Variants in TRAPPC9 observed in about 807,000 individuals in gnomAD.
TRAPPC9 encodes IKK2 binding protein.
Under a neutral mutation model 124.0 loss-of-function variants are expected in TRAPPC9, and 83 were observed. The ratio of observed to expected loss-of-function variants is 0.67; its 90% confidence interval spans 0.56 to 0.80. TRAPPC9 has a LOEUF of 0.80. Among genes scored for constraint, TRAPPC9 ranks in the 30% least tolerant of loss-of-function variants. TRAPPC9 has a pLI of 0.00. For synonymous variants in TRAPPC9, 638 were observed against 617.5 expected (o/e 1.03, Z -0.49); for missense variants, 1,302 against 1,508.3 (o/e 0.86, Z 2.27).
At chr8:139,872,054 G>A (rs1055800632) in intron 21 of TRAPPC9, among the ~76,000 whole-genome samples, 2 of 151,706 alleles carry the variant, frequency 1.3e-5, no homozygotes, top group African/African-American at 4.8e-5. Flanking sequence ...ATGGATGGAT[G>A]AGTGGGCTGG....
rs539968244 is a variant in TRAPPC9 at position 140,063,370 on chromosome 8, G to A, written c.2557-39291C>T. On this transcript the variant is annotated intron_variant, in intron 17 of 22. Coordinates refer to ENST00000438773, the MANE Select transcript of TRAPPC9 (RefSeq NM_001160372.4). The surrounding 1 kb of genome is among the most constrained non-coding windows in gnomAD (Gnocchi z 4.3). The stretch of plus-strand genomic sequence containing the variant: ...CAGTCAATTCTCACGTACCTTTCAC[G>A]AGCCAGGTAACACGGTACTCACTTT... 3.2e-4 allele frequency among the ~76,000 whole-genome samples: 49 copies of A among 152,246 alleles called. No individual in the cohort carries two copies. The highest frequency in any genetic ancestry group is 1.1e-3 in the African/African-American group (46 of 41,542).
chr8:140,410,141 C>CAAAAAA (rs61149910), intron 5 of TRAPPC9, among the ~76,000 whole-genome samples: 1 of 70,216 alleles, frequency 1.4e-5, no homozygotes. Context: ...ACCTTGTCTC[C>CAAAAAA]AAAAAAAAAA....
intron 17 of TRAPPC9, among the ~76,000 whole-genome samples, chr8:140,114,773 A>G (rs1037589030): frequency 6.6e-6 from 1 of 152,188 alleles, no homozygotes; most frequent in Non-Finnish European, 1.5e-5. Context: ...AAACAGAAAA[A>G]GTTTCTGTGA....
intron 9 of TRAPPC9, among the ~76,000 whole-genome samples, chr8:140,345,897 G>C (rs2067335427): frequency 6.6e-6 from 1 of 152,234 alleles, no homozygotes; most frequent in African/African-American, 2.4e-5. Flanking sequence ...CTGGGCCGCT[G>C]ACAGAATGGA....
chr8:139,987,755 G>A (rs1213365769), intron 19 of TRAPPC9, among the ~76,000 whole-genome samples: 12 of 152,202 alleles, frequency 7.9e-5, no homozygotes, highest in Non-Finnish European at 1.8e-4. Flanking sequence ...TGGAGGGAGG[G>A]TGAGTGGAGA....
intron 9 of TRAPPC9, among the ~76,000 whole-genome samples, chr8:140,350,890 AT>A (rs1318664180): frequency 6.6e-6 from 1 of 152,034 alleles, no homozygotes. Context: ...ACAGGATCTG[AT>A]TTGCAATTTA....
At position 140,415,747 on chromosome 8, in the gene TRAPPC9, TC is replaced by T. The variant is rs775177143; in HGVS notation, c.887-10050del. Among the ~76,000 whole-genome samples the T allele has an allele frequency of 9.1e-4, 138 of 151,986 alleles. 3 individuals carry two copies. The highest frequency in any genetic ancestry group is 2.6e-4 in the Non-Finnish European group (18 of 68,014). ...AGTTTGGGAAGCAGAGGTGAGAAGA[TC>T]ACTTGAGGCCAGGAGTCCAAGACCG... On this transcript the variant is annotated intron_variant, in intron 5 of 22. Coordinates refer to ENST00000438773, the MANE Select transcript of TRAPPC9 (RefSeq NM_001160372.4).
intron 13 of TRAPPC9, among the ~76,000 whole-genome samples, chr8:140,284,556 T>TA (rs1037362367): frequency 1.1e-4 from 16 of 151,434 alleles, no homozygotes; most frequent in African/African-American, 3.6e-4. Context: ...TTTCCCATGT[T>TA]AAAAAAAAAG....
chr8:140,058,031 G>A (rs1379355507), intron 17 of TRAPPC9, among the ~76,000 whole-genome samples: 3 of 152,302 alleles, frequency 2.0e-5, no homozygotes, highest in Non-Finnish European at 4.4e-5. Flanking sequence ...TTTTCTAAGC[G>A]CATTGCATAC....
At chr8:140,169,021 G>A (rs989956105) in intron 17 of TRAPPC9, among the ~76,000 whole-genome samples, 10 of 150,790 alleles carry the variant, frequency 6.6e-5, no homozygotes, top group Middle Eastern at 3.2e-3. Flanking sequence ...AGGGGCTCGC[G>A]GTCCCCTGGA....
chr8:140,236,908 G>A (rs1395597599), intron 16 of TRAPPC9, among the ~76,000 whole-genome samples: 3 of 152,268 alleles, frequency 2.0e-5, no homozygotes, highest in African/African-American at 7.2e-5. Context: ...TGGGCTGGGC[G>A]TGGTGGCTCA....
At chr8:140,269,542 A>AAAAAT (rs1338319037) in intron 15 of TRAPPC9, among the ~76,000 whole-genome samples, 1 of 143,814 alleles carries the variant, frequency 7.0e-6, no homozygotes, top group African/African-American at 2.6e-5. Flanking sequence ...CTCTGTCTCA[A>AAAAAT]AAAATAAAAT....
In TRAPPC9 at chr8:140,011,501, C is replaced by CTTT. The variant is rs916485762; in HGVS notation, c.2699+12433_2699+12435dup. On this transcript the variant is annotated intron_variant, in intron 18 of 22. Transcript: ENST00000438773. ...ACTTAACATGCTTCCAGAAGGCATA[C>CTTT]TTTTTTTTTTTTTTTTTTTTTGAGA... Among the ~76,000 whole-genome samples, 196 of 114,626 alleles carry CTTT rather than the reference C, an allele frequency of 1.7e-3. 12 individuals carry two copies. Among genetic ancestry groups the CTTT allele is most frequent in the African/African-American group, 7.2e-3 (168 of 23,314 alleles). 75.2% of individuals were successfully genotyped at this position (114,626 alleles called of 152,430 possible).
upstream of TRAPPC9, chr8:140,457,838 A>C: frequency 5.6e-6 from 6 of 1,062,074 alleles, no homozygotes; most frequent in Non-Finnish European, 5.7e-6. Flanking sequence ...GAGGGAAGCA[A>C]GGGGGTAGGA....
intron 19 of TRAPPC9, among the ~76,000 whole-genome samples, chr8:139,915,163 G>GGCCC (rs1249600749): frequency 6.6e-6 from 1 of 152,230 alleles, no homozygotes; most frequent in African/African-American, 2.4e-5. Flanking sequence ...GGCGGTGGCG[G>GGCCC]TGCCGGGCCC....
At chr8:140,200,246 T>C (rs966832644) in intron 17 of TRAPPC9, among the ~76,000 whole-genome samples, 3 of 151,966 alleles carry the variant, frequency 2.0e-5, no homozygotes, top group Non-Finnish European at 4.4e-5. Context: ...ATGCATAGGT[T>C]TCCTAGCGCT....
chr8:140,116,546 T>C (rs891070746), intron 17 of TRAPPC9, among the ~76,000 whole-genome samples: 1 of 152,188 alleles, frequency 6.6e-6, no homozygotes, highest in East Asian at 1.9e-4. Flanking sequence ...CGTTATTTTA[T>C]TGATGCTGAT....
At chr8:140,179,708 C>A (rs552766534) in intron 17 of TRAPPC9, among the ~76,000 whole-genome samples, 15 of 152,176 alleles carry the variant, frequency 9.9e-5, no homozygotes, top group Admixed American at 4.6e-4. Flanking sequence ...CTTCTCATTT[C>A]AATTTTGTCA....
chr8:139,754,376 T>C lies in TRAPPC9; in HGVS notation c.3056-22174A>G, dbSNP rs192647412. On this transcript the variant is annotated intron_variant, in intron 21 of 22. Transcript: ENST00000438773. ...CATCTGCTCCCAGGAGTGCAGCTGG[T>C]CTGAAAAGGTGCCCCTCAGCAATCA... Among the ~76,000 whole-genome samples, 228 of 152,280 alleles carry C rather than the reference T, an allele frequency of 1.5e-3. 1 individual carries two copies. Among genetic ancestry groups the C allele is most frequent in the Non-Finnish European group, 2.5e-3 (173 of 68,024 alleles).
Sources: allele counts gnomAD v4.1 joint callset (sites outside exome capture counted in the v4.1 genomes callset), GRCh38; gene constraint gnomAD v4.1.1; non-coding constraint Gnocchi (gnomAD v3.1); transcripts MANE v1.5; gene names NCBI Gene and HGNC (gene_info 2026-07-23, HGNC 2026-07-21).